Variants in RHEBL1 observed in about 807,000 individuals in gnomAD.
RHEBL1 encodes the protein RHEB like 1.
RHEBL1 carries 22 observed loss-of-function variants against 27.4 expected under a neutral mutation model. That is an observed-to-expected ratio of 0.80 (90% CI 0.57 to 1.15). The LOEUF is 1.15. Ranked by LOEUF, RHEBL1 falls within the 50% of genes most tolerant of loss-of-function variation. The pLI, the probability that RHEBL1 is intolerant of heterozygous loss-of-function variation, is 0.00. For missense variants in RHEBL1, 186 were observed against 226.5 expected (o/e 0.82, Z 1.15); for synonymous variants, 85 against 80.8 (o/e 1.05, Z -0.28).
At chr12:49,066,764 G>A in intron 3 of RHEBL1, 63 bp from the exon 4 acceptor site, 3 of 1,489,132 alleles carry the variant, frequency 2.0e-6, no homozygotes, top group East Asian at 4.5e-5. Context: ...AAGGTTGGTG[G>A]GACAACATCC....
intron 6 of RHEBL1, 129 bp from the exon 7 acceptor site, chr12:49,065,560 C>T (rs533179229): frequency 6.6e-5 from 48 of 723,160 alleles, no homozygotes; most frequent in Middle Eastern, 2.8e-4. Context: ...TTTGGGAGGC[C>T]GAGGTGGTGG....
intron 6 of RHEBL1, among the ~76,000 whole-genome samples, 160 bp from the exon 7 acceptor site, chr12:49,065,591 C>T (rs902644721): frequency 6.6e-6 from 1 of 151,626 alleles, no homozygotes; most frequent in South Asian, 2.1e-4. Flanking sequence ...CTCAGGAGTT[C>T]AAGACCAGCC....
chr12:49,069,296 C>T, intron 1 of RHEBL1, 190 bp from the exon 2 acceptor site: 1 of 942,110 alleles, frequency 1.1e-6, no homozygotes, highest in Non-Finnish European at 1.5e-6. Flanking sequence ...ACTTTGGCTA[C>T]CGGATGCATT....
At position 49,065,080 on chromosome 12, in the gene RHEBL1, G is replaced by A. The variant is rs1938973221; in HGVS notation, c.*23C>T. 2 of 1,571,548 alleles carry A rather than the reference G, an allele frequency of 1.3e-6. No homozygotes were observed. Among genetic ancestry groups the A allele is most frequent in the Non-Finnish European group, 8.8e-7 (1 of 1,141,362 alleles). On this transcript the variant is annotated 3_prime_UTR_variant, in exon 8 of 8. Coordinates refer to ENST00000301068, the MANE Select transcript of RHEBL1 (RefSeq NM_144593.3). ...GGCAAGTGCCGGGGGCAGAAGCAAG[G>A]CAGTTACCCCACACCCAAGGGCTCA...
rs758891883 is a variant in RHEBL1, at chr12:49,064,966, G to C, written c.*137C>G. The stretch of plus-strand genomic sequence containing the variant: ...GAGCCTGGGGAAAGTGTGCAAACAT[G>C]AGGATGCCACACTGTGTGTCCAGGG... On this transcript the variant is annotated 3_prime_UTR_variant, in exon 8 of 8. Transcript: ENST00000301068. 22 of 660,682 alleles carry C rather than the reference G, an allele frequency of 3.3e-5. No individual in the cohort carries two copies. Among genetic ancestry groups the C allele is most frequent in the Non-Finnish European group, 5.4e-5 (20 of 367,854 alleles). The allele number at this position is 660,682 out of a possible 1,614,324, so 40.9% of individuals were successfully genotyped here. A position where few individuals can be genotyped will look rare whatever the true frequency, so the allele number is the denominator to read the frequency against.
chr12:49,067,099 C>CT (rs10715716), intron 2 of RHEBL1, 64 bp from the exon 3 acceptor site: 22,803 of 579,628 alleles, frequency 0.039, 2 homozygotes, highest in South Asian at 0.045. Context: ...TGTCCCCTGA[C>CT]TTTTTTTTTT....
Position 49,069,104 on chromosome 12 carries a change from T to A in RHEBL1, c.55A>T (p.Lys19Ter). The A allele has an allele frequency of 6.2e-7, 1 of 1,614,164 alleles. No individual in the cohort carries two copies. The highest frequency in any genetic ancestry group is 8.5e-7 in the Non-Finnish European group (1 of 1,179,998). ...ACAAATTGATGTGCCAAAGATGTCTTCCCTGTGGGGAGCAGTGTGACAGTT... is the reference window on the plus strand; with the variant it reads ...ACAAATTGATGTGCCAAAGATGTCTACCCTGTGGGGAGCAGTGTGACAGTT... Reference protein sequence around the residue: ...VVILGYRCVGKTSLAHQFVEG... With the variant: ...VVILGYRCVG The change falls in exon 2 of 8, where the codon AAG (lysine) becomes TAG (stop). Residue 19 changes from lysine to a stop codon, truncating the protein, a stop_gained and splice_region_variant. Coordinates refer to ENST00000301068, the MANE Select transcript of RHEBL1 (RefSeq NM_144593.3). LOFTEE classifies it high-confidence loss of function.
At chr12:49,068,113 C>A (rs1004087444) in intron 2 of RHEBL1, among the ~76,000 whole-genome samples, 3 of 142,254 alleles carry the variant, frequency 2.1e-5, no homozygotes, top group African/African-American at 7.6e-5. Flanking sequence ...CCCTTACATT[C>A]TTTTTATTCT....
chr12:49,067,099 CTTTT>C (rs10715716), intron 2 of RHEBL1, 64 bp from the exon 3 acceptor site: 3,980 of 578,420 alleles, frequency 6.9e-3, no homozygotes, highest in East Asian at 9.2e-3. Context: ...TGTCCCCTGA[CTTTT>C]TTTTTTTTTT....
chr12:49,069,147 C>G (rs1267024581), intron 1 of RHEBL1, 41 bp from the exon 2 acceptor site: 1 of 1,614,016 alleles, frequency 6.2e-7, no homozygotes, highest in South Asian at 1.1e-5. Flanking sequence ...AATCATCCAT[C>G]CACATTCACA....
At chr12:49,067,793 ATAAAG>A (rs1455640544) in intron 2 of RHEBL1, among the ~76,000 whole-genome samples, 6 of 152,160 alleles carry the variant, frequency 3.9e-5, no homozygotes, top group South Asian at 2.1e-4. Flanking sequence ...GAAAAGAAAA[ATAAAG>A]TAATTACTTT....
chr12:49,065,179 A>G lies in RHEBL1; in HGVS notation c.476T>C (p.Ile159Thr). Residue 159 changes from isoleucine to threonine, a missense_variant, in exon 8 of 8, where the codon ATC becomes ACC. Physicochemically the swap from Ile to Thr is moderately conservative, Grantham distance 89. Around this residue, in one of 3 missense-constraint regions of RHEBL1, gnomAD observed 90 missense variants for 95.2 expected, o/e 0.95. Coordinates refer to ENST00000301068, the MANE Select transcript of RHEBL1 (RefSeq NM_144593.3). Reference sequence around the variant, plus strand: ...AATCTCCTGGATGACTTTGGTGAAGATGCCTTGAGTCAGCTATAAGAGGAG... The same window carrying G: ...AATCTCCTGGATGACTTTGGTGAAGGTGCCTTGAGTCAGCTATAAGAGGAG... ...SARENQLTQGIFTKVIQEIAR... is the reference protein window; with the variant it reads ...SARENQLTQGTFTKVIQEIAR... The G allele has an allele frequency of 6.2e-7, 1 of 1,613,846 alleles. No individual in the cohort carries two copies. Among genetic ancestry groups the G allele is most frequent in the Non-Finnish European group, 8.5e-7 (1 of 1,179,718 alleles).
At position 49,065,142 on chromosome 12, in the gene RHEBL1, C is replaced by G; in HGVS notation, c.513G>C (p.Glu171Asp). The change falls in exon 8 of 8, where the codon GAG (glutamate) becomes GAC (aspartate). Residue 171 changes from glutamate to aspartate, a missense_variant. Glu to Asp is a conservative substitution (Grantham distance 45, BLOSUM62 2). Coordinates refer to ENST00000301068, the MANE Select transcript of RHEBL1 (RefSeq NM_144593.3). Reference protein sequence around the residue: ...TKVIQEIARVENSYGQERRCH... With the variant: ...TKVIQEIARVDNSYGQERRCH... Reference sequence around the variant, plus strand: ...AGCGACGCTCTTGCCCATAGGAATTCTCCACACGGGCAATCTCCTGGATGA... The same window carrying G: ...AGCGACGCTCTTGCCCATAGGAATTGTCCACACGGGCAATCTCCTGGATGA... 1 of 1,614,168 alleles carries G rather than the reference C, an allele frequency of 6.2e-7. No individual in the cohort carries two copies. Among genetic ancestry groups the G allele is most frequent in the Non-Finnish European group, 8.5e-7 (1 of 1,179,984 alleles).
At position 49,068,810 on chromosome 12, in the gene RHEBL1, C is replaced by T. The variant is rs1939040018; in HGVS notation, c.124+225G>A. Reference sequence around the variant, plus strand: ...GGAGTTATCCAGGTAACTGGAAAGACACGCTAAGGTTCTTAATGTCTACAT... The same window carrying T: ...GGAGTTATCCAGGTAACTGGAAAGATACGCTAAGGTTCTTAATGTCTACAT... On this transcript the variant is annotated intron_variant, in intron 2 of 7. Transcript: ENST00000301068. Among the ~76,000 whole-genome samples the T allele has an allele frequency of 2.0e-5, 3 of 152,232 alleles. No homozygotes were observed. In the South Asian group the frequency reaches 6.2e-4, roughly 31 times the overall value.
At chr12:49,068,801 C>T (rs1024135176) in intron 2 of RHEBL1, among the ~76,000 whole-genome samples, 3 of 152,228 alleles carry the variant, frequency 2.0e-5, no homozygotes, top group African/African-American at 7.2e-5. Flanking sequence ...ATCCAGGTAA[C>T]TGGAAAGACA....
At position 49,069,911 on chromosome 12, in the gene RHEBL1, G is replaced by C; in HGVS notation, c.-126C>G. 1 of 783,112 alleles carries C rather than the reference G, an allele frequency of 1.3e-6. No homozygotes were observed. The highest frequency in any genetic ancestry group is 1.4e-5 in the South Asian group (1 of 69,410). The allele number at this position is 783,112 out of a possible 1,614,324, so 48.5% of individuals were successfully genotyped here. A position where few individuals can be genotyped will look rare whatever the true frequency, so the allele number is the denominator to read the frequency against. On this transcript the variant is annotated 5_prime_UTR_variant, in exon 1 of 8. Transcript: ENST00000301068. Reference sequence around the variant, plus strand: ...CTCACCCCGAAGCTGCCGTGGGCAAGTTAGAAGGAAACCAAAACAAGCGCC... The same window carrying C: ...CTCACCCCGAAGCTGCCGTGGGCAACTTAGAAGGAAACCAAAACAAGCGCC...
chr12:49,067,833 T>C (rs1357722059), intron 2 of RHEBL1, among the ~76,000 whole-genome samples: 1 of 152,198 alleles, frequency 6.6e-6, no homozygotes, highest in Non-Finnish European at 1.5e-5. Flanking sequence ...ATAATAGATG[T>C]ACCAAGTTTC....
chr12:49,066,166 G>A, intron 6 of RHEBL1, 65 bp downstream of exon 6: 1 of 1,310,030 alleles, frequency 7.6e-7, no homozygotes, highest in Non-Finnish European at 1.1e-6. Context: ...GAGCCAGGAT[G>A]AGAGCCTGAC....
In RHEBL1 at chr12:49,066,105, C is replaced by G. The variant is rs1016456698; in HGVS notation, c.380+126G>C. 26 of 728,026 alleles carry G rather than the reference C, an allele frequency of 3.6e-5. No homozygotes were observed. The Admixed American group carries it at 5.7e-4, about 16-fold the overall frequency. The allele number at this position is 728,026 out of a possible 1,614,324, so 45.1% of individuals were successfully genotyped here. A position where few individuals can be genotyped will look rare whatever the true frequency, so the allele number is the denominator to read the frequency against. ...AGATAGAAGTATTATCTTCCTTAAG[C>G]TTCAGGTTAGAGACAAAGAGAGGTG... On this transcript the variant is annotated intron_variant, in intron 6 of 7. Coordinates refer to ENST00000301068, the MANE Select transcript of RHEBL1 (RefSeq NM_144593.3).
Sources: gnomAD v4.1 joint callset for allele counts (sites outside exome capture counted in the v4.1 genomes callset) on GRCh38, gnomAD v4.1.1 for gene constraint, gnomAD v4.1.1 regional missense constraint, MANE v1.5 for transcripts, NCBI Gene and HGNC (gene_info 2026-07-23, HGNC 2026-07-21) for gene names.